Variants in CCSER1 observed in about 807,000 individuals in gnomAD.
The protein encoded by CCSER1 is serine-rich coiled-coil domain-containing protein 1.
Under a neutral mutation model 82.0 loss-of-function variants are expected in CCSER1, and 41 were observed. That is an observed-to-expected ratio of 0.50 (90% confidence interval 0.39 to 0.65). The LOEUF is 0.65. Among genes scored for constraint, CCSER1 ranks in the 30% least tolerant of loss-of-function variants. The pLI is 0.00. For missense variants in CCSER1, 1,119 were observed against 1,064.2 expected (o/e 1.05, Z -0.72); for synonymous variants, 414 against 383.9 (o/e 1.08, Z -0.92).
chr4:90,987,639 T>G (rs1736680643), intron 9 of CCSER1, among the ~76,000 whole-genome samples: 1 of 151,756 alleles, frequency 6.6e-6, no homozygotes, highest in Non-Finnish European at 1.5e-5. Flanking sequence ...ACTTTTTAAT[T>G]CAACTTGTGT....
chr4:91,461,495 T>C (rs1756497834), intron 10 of CCSER1, among the ~76,000 whole-genome samples: 1 of 152,136 alleles, frequency 6.6e-6, no homozygotes, highest in African/African-American at 2.4e-5. Flanking sequence ...AAAAGTATAG[T>C]TGTGGGACAA....
At chr4:90,935,216 A>G (rs1730781206) in intron 9 of CCSER1, among the ~76,000 whole-genome samples, 2 of 151,940 alleles carry the variant, frequency 1.3e-5, no homozygotes, top group Admixed American at 6.6e-5. Context: ...TAATGGGAGA[A>G]TGGGGGGTGT....
At chr4:90,979,716 G>C (rs565560169) in intron 9 of CCSER1, among the ~76,000 whole-genome samples, 1 of 151,762 alleles carries the variant, frequency 6.6e-6, no homozygotes, top group African/African-American at 2.4e-5. Flanking sequence ...ATTGTGGAAG[G>C]CATGGCCATT....
chr4:90,648,400 C>T (rs1728121384), intron 6 of CCSER1, among the ~76,000 whole-genome samples: 1 of 151,996 alleles, frequency 6.6e-6, no homozygotes. Context: ...TTAAGTCATA[C>T]TTAAAGCCTG....
At chr4:91,297,731 A>T (rs1218617054) in intron 10 of CCSER1, among the ~76,000 whole-genome samples, 1 of 151,970 alleles carries the variant, frequency 6.6e-6, no homozygotes, top group Admixed American at 6.6e-5. Context: ...AATTCTCAAT[A>T]GAAATAAGGA....
chr4:90,664,422 A>G (rs924304411), intron 6 of CCSER1, among the ~76,000 whole-genome samples: 1 of 152,192 alleles, frequency 6.6e-6, no homozygotes, highest in South Asian at 2.1e-4. Context: ...ACTAACGGAA[A>G]AGGGAGTTTT....
At chr4:90,847,941 TAC>T (rs1763410529) in intron 8 of CCSER1, among the ~76,000 whole-genome samples, 1 of 152,206 alleles carries the variant, frequency 6.6e-6, no homozygotes, top group African/African-American at 2.4e-5. Flanking sequence ...TATGTAAGCA[TAC>T]ATATCCTAAC....
intron 7 of CCSER1, among the ~76,000 whole-genome samples, chr4:90,764,202 A>G (rs891855181): frequency 6.6e-6 from 1 of 152,182 alleles, no homozygotes; most frequent in Non-Finnish European, 1.5e-5. Flanking sequence ...GTAAAAATCA[A>G]TGAGAGCAAG....
At chr4:91,423,096 A>T (rs1434455002) in intron 10 of CCSER1, among the ~76,000 whole-genome samples, 1 of 152,126 alleles carries the variant, frequency 6.6e-6, no homozygotes, top group East Asian at 1.9e-4. Flanking sequence ...CATTAGAAAA[A>T]CATGCTGAAA....
chr4:91,110,988 C>T lies in CCSER1; in HGVS notation c.2217+24994C>T, dbSNP rs149011459. Among the ~76,000 whole-genome samples, 354 of 151,944 alleles carry T rather than the reference C, an allele frequency of 2.3e-3. 2 individuals are homozygous for T. Among genetic ancestry groups the T allele is most frequent in the African/African-American group, 8.3e-3 (344 of 41,506 alleles). The stretch of plus-strand genomic sequence containing the variant: ...ATATAGATGATGATAATAGTTGGCA[C>T]TTCTTAGGTGTATTTGAGTTATTAA... On this transcript the variant is annotated intron_variant, in intron 10 of 10. Coordinates refer to ENST00000509176, the MANE Select transcript of CCSER1 (RefSeq NM_001145065.2).
chr4:90,945,168 GA>G (rs889379406), intron 9 of CCSER1, among the ~76,000 whole-genome samples: 2 of 151,714 alleles, frequency 1.3e-5, no homozygotes, highest in Admixed American at 1.3e-4. Flanking sequence ...ATTTAACTAG[GA>G]AAAAAACTAA....
At chr4:91,001,824 CTTT>C (rs1234881656) in intron 9 of CCSER1, among the ~76,000 whole-genome samples, 1 of 151,664 alleles carries the variant, frequency 6.6e-6, no homozygotes, top group Admixed American at 6.6e-5. Flanking sequence ...ACCTTTTTTT[CTTT>C]AATTGTATTT....
At chr4:91,184,561 A>C (rs978560393) in intron 10 of CCSER1, among the ~76,000 whole-genome samples, 1 of 152,188 alleles carries the variant, frequency 6.6e-6, no homozygotes, top group African/African-American at 2.4e-5. Context: ...TGTTGGAGCT[A>C]TGTGCCCATT....
At chr4:91,538,683 T>G (rs562310608) in intron 10 of CCSER1, among the ~76,000 whole-genome samples, 1 of 114,046 alleles carries the variant, frequency 8.8e-6, no homozygotes, top group Non-Finnish European at 1.8e-5. Flanking sequence ...ATATATGATA[T>G]ATATTATATA....
At chr4:90,985,682 A>C (rs1369849524) in intron 9 of CCSER1, among the ~76,000 whole-genome samples, 2 of 151,700 alleles carry the variant, frequency 1.3e-5, no homozygotes, top group Non-Finnish European at 3.0e-5. Context: ...CGTCATCTGA[A>C]TGGCATGTCT....
chr4:90,164,625 T>C (rs1730116869), intron 1 of CCSER1, among the ~76,000 whole-genome samples: 1 of 152,034 alleles, frequency 6.6e-6, no homozygotes, highest in South Asian at 2.1e-4. Flanking sequence ...AAGTAGCAGA[T>C]CCAGAAATAA....
At chr4:90,919,089 T>TAAAAAA (rs71596538) in intron 8 of CCSER1, among the ~76,000 whole-genome samples, 2 of 87,200 alleles carry the variant, frequency 2.3e-5, no homozygotes, top group African/African-American at 3.7e-5. Context: ...GTTTCCACAG[T>TAAAAAA]AAAAAAAAAA....
chr4:90,581,877 CT>C (rs34230137), intron 5 of CCSER1, among the ~76,000 whole-genome samples: 9,636 of 145,606 alleles, frequency 0.066, 799 homozygotes, highest in African/African-American at 0.19. Context: ...AAAGGAATGA[CT>C]TTTTTTTTTT....
intron 3 of CCSER1, among the ~76,000 whole-genome samples, chr4:90,360,370 T>TA (rs34265885): frequency 0.28 from 41,141 of 144,742 alleles, 6,516 homozygotes; most frequent in African/African-American, 0.42. Flanking sequence ...CTACTAAAAA[T>TA]AAAAAAAAAA....
Sources: allele counts gnomAD v4.1 joint callset (sites outside exome capture counted in the v4.1 genomes callset), GRCh38; gene constraint gnomAD v4.1.1; transcripts MANE v1.5; gene names NCBI Gene and HGNC (gene_info 2026-07-23, HGNC 2026-07-21).